Variants in NOS1AP observed in about 807,000 individuals in gnomAD.
NOS1AP encodes the protein nitric oxide synthase 1 adaptor protein.
A neutral mutation model predicts 56.2 loss-of-function variants in NOS1AP; 21 were observed. The observed-to-expected ratio is 0.37, with a 90% confidence interval of 0.26 to 0.54. NOS1AP has a LOEUF of 0.54. Among genes scored for constraint, NOS1AP ranks in the 20% least tolerant of loss-of-function variants. The pLI, the probability that NOS1AP is intolerant of heterozygous loss-of-function variation, is 0.84. For synonymous variants in NOS1AP, 270 were observed against 274.6 expected, an observed-to-expected ratio of 0.98 and a Z score of 0.17; for missense variants, 522 against 657.8, an observed-to-expected ratio of 0.79 and a Z score of 2.26.
rs145623580 is a variant in NOS1AP at position 162,136,831 on chromosome 1, C to T, written c.106-17574C>T. Among the ~76,000 whole-genome samples, 703 of 152,274 alleles carry T rather than the reference C, an allele frequency of 4.6e-3. 7 individuals are homozygous for T. The highest frequency in any genetic ancestry group is 0.015 in the African/African-American group (644 of 41,564). ...TGCCTTGGAGCATACAGAAGTACCT[C>T]CTAGCTTTTCTGGGGTGAATACTGC... On this transcript the variant is annotated intron_variant, in intron 1 of 9. Transcript: ENST00000361897.
intron 2 of NOS1AP, among the ~76,000 whole-genome samples, chr1:162,221,746 G>T (rs6694824): frequency 0.54 from 81,553 of 151,948 alleles, 22,948 homozygotes; most frequent in Non-Finnish European, 0.64. Context: ...ACGTTTGTCA[G>T]CATTTAACAC....
intron 1 of NOS1AP, among the ~76,000 whole-genome samples, chr1:162,079,358 T>C (rs1271607579): frequency 6.6e-6 from 1 of 152,230 alleles, no homozygotes; most frequent in East Asian, 1.9e-4. Flanking sequence ...GTAAGAAACA[T>C]TTTCAACTTG....
intron 2 of NOS1AP, among the ~76,000 whole-genome samples, chr1:162,210,910 C>T (rs796872940): frequency 2.6e-4 from 40 of 152,350 alleles, no homozygotes; most frequent in African/African-American, 8.4e-4. Flanking sequence ...CCTGAGCTCA[C>T]GGAGTCCGCA....
At chr1:162,089,062 A>T (rs1237920972) in intron 1 of NOS1AP, among the ~76,000 whole-genome samples, 2 of 152,144 alleles carry the variant, frequency 1.3e-5, no homozygotes, top group Non-Finnish European at 2.9e-5. Context: ...TTTTAATGCA[A>T]AATTGTATTT....
intron 2 of NOS1AP, among the ~76,000 whole-genome samples, chr1:162,191,077 A>G (rs183404533): frequency 9.2e-4 from 140 of 152,272 alleles, no homozygotes; most frequent in Middle Eastern, 6.8e-3. Flanking sequence ...TGTAAGCAGA[A>G]TCTGACAGAG....
At chr1:162,134,251 G>A (rs1269251188) in intron 1 of NOS1AP, among the ~76,000 whole-genome samples, 1 of 152,126 alleles carries the variant, frequency 6.6e-6, no homozygotes, top group African/African-American at 2.4e-5. Context: ...AGCACTTTAG[G>A]AGGCCGAGGC....
intron 1 of NOS1AP, among the ~76,000 whole-genome samples, chr1:162,085,207 T>C (rs1157122231): frequency 6.6e-6 from 1 of 152,128 alleles, no homozygotes; most frequent in African/African-American, 2.4e-5. Flanking sequence ...TCTTGGGTGC[T>C]GAGGTCCCCA....
chr1:162,078,313 T>G (rs1369525439), intron 1 of NOS1AP, among the ~76,000 whole-genome samples: 1 of 152,224 alleles, frequency 6.6e-6, no homozygotes. Flanking sequence ...TCTGACTTCA[T>G]TGTCTTTTAA....
intron 2 of NOS1AP, among the ~76,000 whole-genome samples, chr1:162,226,747 T>G (rs1652952648): frequency 6.6e-6 from 1 of 152,200 alleles, no homozygotes; most frequent in South Asian, 2.1e-4. Context: ...TATGTCTTCC[T>G]AAGCTCTGCT....
At chr1:162,313,793 A>G (rs1656137842) in intron 4 of NOS1AP, among the ~76,000 whole-genome samples, 1 of 152,184 alleles carries the variant, frequency 6.6e-6, no homozygotes, top group Non-Finnish European at 1.5e-5. Context: ...AGGGAGGGAA[A>G]GGAGGCCCCA....
At chr1:162,298,439 GC>G (rs1231319798) in intron 3 of NOS1AP, among the ~76,000 whole-genome samples, 4 of 152,218 alleles carry the variant, frequency 2.6e-5, no homozygotes, top group Non-Finnish European at 5.9e-5. Context: ...GTAATTGGAA[GC>G]CCAGTGGGGA....
Position 162,329,888 on chromosome 1 carries a change from G to T in NOS1AP, c.345-3129G>T, listed in dbSNP as rs188221067. Among the ~76,000 whole-genome samples the T allele has an allele frequency of 5.3e-5, 8 of 152,304 alleles. No individual in the cohort carries two copies. In the East Asian group the frequency reaches 1.5e-3, roughly 29 times the overall value. The stretch of plus-strand genomic sequence containing the variant: ...GATTATTTACTTTTAATAACAACAC[G>T]CTAAGTTTCTGAAATCAGATATAGC... On this transcript the variant is annotated intron_variant, in intron 4 of 9. Transcript: ENST00000361897.
chr1:162,367,830 T>G lies in NOS1AP; in HGVS notation c.*363T>G. 4.3e-6 allele frequency: 1 copy of G among 234,164 alleles called. No individual in the cohort carries two copies. The highest frequency in any genetic ancestry group is 8.4e-6 in the Non-Finnish European group (1 of 118,686). 14.5% of individuals were successfully genotyped at this position (234,164 alleles called of 1,614,324 possible). On this transcript the variant is annotated 3_prime_UTR_variant, in exon 10 of 10. Coordinates refer to ENST00000361897, the MANE Select transcript of NOS1AP (RefSeq NM_014697.3). This position sits in a 1 kb window ranked among gnomAD's most constrained non-coding sequence, Gnocchi z 6.5. ...CCACGCTTTGTCCGTGATGCCCCCC[T>G]ACCCCCTCACTCTCCCCGTCTCCAT...
chr1:162,224,247 G>A (rs1652874740), intron 2 of NOS1AP, among the ~76,000 whole-genome samples: 1 of 151,704 alleles, frequency 6.6e-6, no homozygotes, highest in South Asian at 2.1e-4. Context: ...TTTTGAGACC[G>A]TTCATTCATT....
At chr1:162,252,974 A>G (rs555222238) in intron 2 of NOS1AP, among the ~76,000 whole-genome samples, 1 of 152,310 alleles carries the variant, frequency 6.6e-6, no homozygotes, top group East Asian at 1.9e-4. Flanking sequence ...ATATGCTGGT[A>G]CATGCCTGGT....
chr1:162,233,889 G>A (rs1253515744), intron 2 of NOS1AP, among the ~76,000 whole-genome samples: 3 of 152,162 alleles, frequency 2.0e-5, no homozygotes, highest in African/African-American at 7.2e-5. Flanking sequence ...ATCTGACTCT[G>A]GCACCTTGGA....
intron 1 of NOS1AP, among the ~76,000 whole-genome samples, chr1:162,092,643 T>C (rs1692160525): frequency 6.6e-6 from 1 of 152,216 alleles, no homozygotes; most frequent in Non-Finnish European, 1.5e-5. Flanking sequence ...GTACATGATT[T>C]ATGCTCAATG....
At chr1:162,233,405 T>C (rs1653189688) in intron 2 of NOS1AP, among the ~76,000 whole-genome samples, 1 of 152,188 alleles carries the variant, frequency 6.6e-6, no homozygotes, top group Non-Finnish European at 1.5e-5. Context: ...CTGGTTGTTT[T>C]CCAAGTGTCC....
At chr1:162,212,480 G>A (rs1396218973) in intron 2 of NOS1AP, among the ~76,000 whole-genome samples, 1 of 152,158 alleles carries the variant, frequency 6.6e-6, no homozygotes, top group African/African-American at 2.4e-5. Context: ...ACTCAAGGAT[G>A]GGGAACCTCT....
Sources: allele counts gnomAD v4.1 joint callset (sites outside exome capture counted in the v4.1 genomes callset), GRCh38; gene constraint gnomAD v4.1.1; non-coding constraint Gnocchi (gnomAD v3.1); transcripts MANE v1.5; gene names NCBI Gene and HGNC (gene_info 2026-07-23, HGNC 2026-07-21).